The following IGF2R variants were observed in gnomAD, a reference collection of about 807,000 sequenced individuals.
The protein encoded by IGF2R is cation-independent mannose-6-phosphate receptor.
IGF2R carries 91 observed loss-of-function variants against 270.6 expected under a neutral mutation model. That is an observed-to-expected ratio of 0.34 (90% CI 0.28 to 0.40). The LOEUF is 0.40. Ranked by LOEUF, IGF2R falls within the 10% of genes least tolerant of loss-of-function variation. IGF2R has a pLI of 1.00. For missense variants in IGF2R, 2,805 were observed against 3,188.3 expected (o/e 0.88, Z 2.90); for synonymous variants, 1,316 against 1,258.9 (o/e 1.05, Z -0.96).
intron 30 of IGF2R, 28 bp from the exon 31 acceptor site, chr6:160,069,840 C>T: frequency 6.2e-7 from 1 of 1,607,732 alleles, no homozygotes; most frequent in Non-Finnish European, 8.5e-7. Flanking sequence ...TCACTAAAGG[C>T]AACTCTTTCT....
intron 44 of IGF2R, chr6:160,094,085 A>C: frequency 2.0e-6 from 1 of 506,016 alleles, no homozygotes; most frequent in South Asian, 1.7e-5. Context: ...CCTCCACCCC[A>C]TCATTCCCCT....
intron 19 of IGF2R, among the ~76,000 whole-genome samples, chr6:160,051,152 C>G (rs181682421): frequency 9.9e-5 from 15 of 152,278 alleles, no homozygotes; most frequent in Middle Eastern, 3.4e-3. Flanking sequence ...TAGCCTAATG[C>G]AACACAGAAG....
intron 2 of IGF2R, chr6:160,006,097 G>A (rs1209141050): frequency 1.7e-5 from 2 of 116,750 alleles, no homozygotes; most frequent in African/African-American, 3.6e-5. Context: ...CACCCCTCAC[G>A]CCTCCCTGTA....
In IGF2R at chr6:160,109,691, G is replaced by C. The variant is rs1271329246; in HGVS notation, c.*4607G>C. 6.6e-6 allele frequency: 1 copy of C among 152,178 alleles called. No homozygotes were observed. The highest frequency in any genetic ancestry group is 2.4e-5 in the African/African-American group (1 of 41,436). 9.4% of individuals were successfully genotyped at this position (152,178 alleles called of 1,614,324 possible). ...TTGCAGGTGATCATTGTGCCATTTG[G>C]TTTACTTCTGTCTGGAAAGTTTCTC... On this transcript the variant is annotated 3_prime_UTR_variant, in exon 48 of 48. Transcript: ENST00000356956.
rs1554251224 is a variant in IGF2R, at chr6:160,105,938, TGA to T, written c.*856_*857del. On this transcript the variant is annotated 3_prime_UTR_variant, in exon 48 of 48. Coordinates refer to ENST00000356956, the MANE Select transcript of IGF2R (RefSeq NM_000876.4). ...GTGTGTGTGTGTGTGTGTGTGTGTGTGAGTGGAGTTGAGGTGTCAGAGAAAAT... is the reference window on the plus strand; with the variant it reads ...GTGTGTGTGTGTGTGTGTGTGTGTGTGTGGAGTTGAGGTGTCAGAGAAAAT... 606 of 144,682 alleles carry T rather than the reference TGA, an allele frequency of 4.2e-3. 1 individual carries two copies. Among genetic ancestry groups the T allele is most frequent in the African/African-American group, 6.4e-3 (244 of 37,992 alleles). The allele number at this position is 144,682 out of a possible 1,614,324, so 9.0% of individuals were successfully genotyped here.
intron 1 of IGF2R, among the ~76,000 whole-genome samples, chr6:159,975,554 G>T (rs1783677955): frequency 6.6e-6 from 1 of 151,736 alleles, no homozygotes. Context: ...GGAAGGAGGG[G>T]CAGGTGGAGA....
At chr6:160,104,631 C>A in intron 47 of IGF2R, 43 bp from the exon 48 acceptor site, 1 of 1,577,944 alleles carries the variant, frequency 6.3e-7, no homozygotes, top group South Asian at 1.2e-5. Flanking sequence ...AGAATGGGGT[C>A]TCTTAGGGGG....
chr6:160,089,834 T>G, intron 43 of IGF2R, 82 bp from the exon 44 acceptor site: 1 of 967,516 alleles, frequency 1.0e-6, no homozygotes, highest in Non-Finnish European at 1.5e-6. Context: ...GGCCCTGCAG[T>G]GATTCTGAGG....
chr6:160,042,012 C>T (rs1479473760), intron 11 of IGF2R, among the ~76,000 whole-genome samples: 1 of 150,542 alleles, frequency 6.6e-6, no homozygotes, highest in Non-Finnish European at 1.5e-5. Flanking sequence ...TTTTTTTAAA[C>T]ATTACTGTGT....
intron 1 of IGF2R, among the ~76,000 whole-genome samples, chr6:159,973,148 G>C (rs1783635937): frequency 6.6e-6 from 1 of 152,088 alleles, no homozygotes; most frequent in Non-Finnish European, 1.5e-5. Context: ...AAGAAGAGAG[G>C]GCATTCAGGA....
At chr6:160,001,582 T>G (rs1439958473) in intron 2 of IGF2R, among the ~76,000 whole-genome samples, 1 of 152,154 alleles carries the variant, frequency 6.6e-6, no homozygotes, top group African/African-American at 2.4e-5. Flanking sequence ...GCCAACAAGG[T>G]TGGGGGCTGC....
At chr6:160,005,469 T>C (rs1164103739) in intron 2 of IGF2R, 5 of 151,650 alleles carry the variant, frequency 3.3e-5, no homozygotes, top group African/African-American at 1.2e-4. Flanking sequence ...CGGCGAGGAG[T>C]GGGTGTGCGC....
intron 2 of IGF2R, among the ~76,000 whole-genome samples, chr6:159,995,119 T>C (rs1329323496): frequency 6.6e-6 from 1 of 152,182 alleles, no homozygotes; most frequent in Non-Finnish European, 1.5e-5. Flanking sequence ...CTGAGTGCTT[T>C]GGTGTGGGGT....
chr6:160,058,517 G>A (rs1778361600), intron 21 of IGF2R, among the ~76,000 whole-genome samples: 1 of 151,754 alleles, frequency 6.6e-6, no homozygotes, highest in African/African-American at 2.4e-5. Context: ...AGAAATGTAG[G>A]GTACCACTTT....
chr6:160,105,612 ATGT>A lies in IGF2R; in HGVS notation c.*531_*533del, dbSNP rs1382499815. 1 of 153,716 alleles carries A rather than the reference ATGT, an allele frequency of 6.5e-6. No homozygotes were observed. Among genetic ancestry groups the A allele is most frequent in the Non-Finnish European group, 1.4e-5 (1 of 68,992 alleles). 9.5% of individuals were successfully genotyped at this position (153,716 alleles called of 1,614,324 possible). ...AGTGTATGGGGCAGCTTCCGGCGGG[ATGT>A]TGAACTGGTCATTAATGTGTCCCCT... On this transcript the variant is annotated 3_prime_UTR_variant, in exon 48 of 48. Transcript: ENST00000356956.
chr6:160,104,974 G>A lies in IGF2R; in HGVS notation c.7366G>A (p.Gly2456Ser), dbSNP rs1779581377. ...REDDRVGLVR[G>S]EKARKGKSSS... Reference sequence around the variant, plus strand: ...GGACGATAGGGTGGGGCTGGTCAGGGGTGAGAAGGCGAGGAAAGGGAAGTC... The same window carrying A: ...GGACGATAGGGTGGGGCTGGTCAGGAGTGAGAAGGCGAGGAAAGGGAAGTC... The change falls in exon 48 of 48, where the codon GGT becomes AGT. Residue 2456 changes from glycine to serine, a missense_variant. Physicochemically the swap from Gly to Ser is moderately conservative, Grantham distance 56 (BLOSUM62 0). Transcript: ENST00000356956. 1 of 1,614,062 alleles carries A rather than the reference G, an allele frequency of 6.2e-7. No individual in the cohort carries two copies. The highest frequency in any genetic ancestry group is 2.2e-5 in the East Asian group (1 of 44,870).
chr6:160,096,659 C>G (rs146999254), intron 45 of IGF2R, 34 bp downstream of exon 45: 1 of 1,518,136 alleles, frequency 6.6e-7, no homozygotes, highest in Non-Finnish European at 9.0e-7. Flanking sequence ...AGCACTTGTA[C>G]CCCACATCTT....
At chr6:159,978,378 C>T (rs1436507032) in intron 1 of IGF2R, among the ~76,000 whole-genome samples, 2 of 151,718 alleles carry the variant, frequency 1.3e-5, no homozygotes, top group East Asian at 3.9e-4. Flanking sequence ...GGTCACCCTC[C>T]TGCATGTGGT....
intron 2 of IGF2R, among the ~76,000 whole-genome samples, chr6:159,996,017 A>G (rs1784048637): frequency 6.7e-6 from 1 of 149,212 alleles, no homozygotes; most frequent in African/African-American, 2.5e-5. Context: ...TTCCCTTGAG[A>G]ATGTGAATAT....
Sources: gnomAD v4.1 joint callset for allele counts (sites outside exome capture counted in the v4.1 genomes callset) on GRCh38, gnomAD v4.1.1 for gene constraint, MANE v1.5 for transcripts, NCBI Gene and HGNC (gene_info 2026-07-23, HGNC 2026-07-21) for gene names.